Variants in RFX6 observed in about 807,000 individuals in gnomAD.
The protein encoded by RFX6 is DNA-binding protein RFX6.
In RFX6, 50 loss-of-function variants were observed where a neutral mutation model predicts 110.8. That is an observed-to-expected ratio of 0.45 (90% CI 0.36 to 0.57). The LOEUF (loss-of-function observed/expected upper bound fraction) is 0.57, where lower values mean the gene tolerates loss of function less well. RFX6 is among the 20% of genes least tolerant of loss of function. RFX6 has a pLI of 0.00. For missense variants in RFX6, 990 were observed against 1,127.0 expected, an observed-to-expected ratio of 0.88 and a Z score of 1.74; for synonymous variants, 383 against 411.2, an observed-to-expected ratio of 0.93 and a Z score of 0.83.
At position 116,916,024 on chromosome 6, in the gene RFX6, T is replaced by C. The variant is rs1582530413; in HGVS notation, c.797T>C (p.Met266Thr). The C allele has an allele frequency of 6.2e-7, 1 of 1,610,518 alleles. No homozygotes were observed. The highest frequency in any genetic ancestry group is 8.5e-7 in the Non-Finnish European group (1 of 1,177,024). ...TTGAAATAGGTTGATACGCTCATAA[T>C]GATGTACAAAACTCACTGCCAGTGT... ...ISKDKVDTLI[M>T]MYKTHCQCIL... Residue 266 changes from methionine (M) to threonine (T), a missense_variant, in exon 8 of 19, where the codon ATG becomes ACG. By Grantham distance (81) the Met-to-Thr change is moderately conservative. This residue lies in a region of RFX6 where 243 missense variants were observed against 353.1 expected (regional missense o/e 0.69). Transcript: ENST00000332958.
chr6:116,885,957 TA>T (rs1774690632), intron 4 of RFX6, among the ~76,000 whole-genome samples: 1 of 152,140 alleles, frequency 6.6e-6, no homozygotes, highest in Admixed American at 6.6e-5. Context: ...TATTATTTCA[TA>T]AACTTACATT....
At position 116,919,737 on chromosome 6, in the gene RFX6, A is replaced by G. The variant is rs532159959; in HGVS notation, c.1182+441A>G. On this transcript the variant is annotated intron_variant, in intron 11 of 18. Transcript: ENST00000332958. ...GTGTGATACTTAATATTGTGAAACC[A>G]CAAACTCAACACATTTTAAACTGCC... 2.2e-4 allele frequency among the ~76,000 whole-genome samples: 33 copies of G among 152,362 alleles called. No individual in the cohort carries two copies. In the East Asian group the frequency reaches 4.6e-3, roughly 21 times the overall value.
intron 6 of RFX6, among the ~76,000 whole-genome samples, chr6:116,906,708 T>C (rs1371039002): frequency 6.6e-6 from 1 of 151,926 alleles, no homozygotes. Flanking sequence ...CATGCTGACT[T>C]TGAATCCTGC....
chr6:116,889,486 C>T (rs1267581578), intron 4 of RFX6, among the ~76,000 whole-genome samples: 5 of 151,950 alleles, frequency 3.3e-5, no homozygotes, highest in Admixed American at 6.6e-5. Flanking sequence ...GGGAGGAGTT[C>T]AGGGAGTTCA....
At position 116,916,058 on chromosome 6, in the gene RFX6, C is replaced by G; in HGVS notation, c.831C>G (p.Asp277Glu). The G allele has an allele frequency of 6.2e-7, 1 of 1,610,696 alleles. No homozygotes were observed. Among genetic ancestry groups the G allele is most frequent in the Non-Finnish European group, 8.5e-7 (1 of 1,177,240 alleles). ...MYKTHCQCIL[D>E]NAINGNFEEI... Reference sequence around the variant, plus strand: ...AAACTCACTGCCAGTGTATCCTGGACAATGCAATTAATGGAAACTTTGAAG... The same window carrying G: ...AAACTCACTGCCAGTGTATCCTGGAGAATGCAATTAATGGAAACTTTGAAG... The change falls in exon 8 of 19, where the codon GAC becomes GAG. Residue 277 changes from aspartate to glutamate, a missense_variant. Asp to Glu is a conservative substitution (Grantham distance 45). Transcript: ENST00000332958.
At chr6:116,930,908 C>T (rs1321982510) in intron 18 of RFX6, among the ~76,000 whole-genome samples, 1 of 152,022 alleles carries the variant, frequency 6.6e-6, no homozygotes, top group Admixed American at 6.6e-5. Context: ...TTGATCTACT[C>T]TTCAGCAATA....
In RFX6 at chr6:116,916,274, T is replaced by C. The variant is rs1775461686; in HGVS notation, c.932T>C (p.Ile311Thr). The change falls in exon 9 of 19, where the codon ATC (isoleucine) becomes ACC (threonine). Residue 311 changes from isoleucine to threonine, a missense_variant. Physicochemically the swap from Ile to Thr is moderately conservative, Grantham distance 89 (BLOSUM62 -1). This residue lies in a region of RFX6 where 243 missense variants were observed against 353.1 expected (regional missense o/e 0.69). Coordinates refer to ENST00000332958, the MANE Select transcript of RFX6 (RefSeq NM_173560.4). ...CTTCCCCTGCTCGAAAATCCTGTTA[T>C]CATTGATATTTTCTGTGTTTGTGAC... ...HLLPLLENPV[I>T]IDIFCVCDSI... 6.2e-7 allele frequency: 1 copy of C among 1,612,480 alleles called. No homozygotes were observed. Among genetic ancestry groups the C allele is most frequent in the Admixed American group, 1.7e-5 (1 of 59,940 alleles).
At chr6:116,916,938 G>T (rs1006092773) in intron 9 of RFX6, among the ~76,000 whole-genome samples, 3 of 152,024 alleles carry the variant, frequency 2.0e-5, no homozygotes, top group Non-Finnish European at 4.4e-5. Context: ...TTGCAATGTG[G>T]GTACTTTAAA....
intron 9 of RFX6, among the ~76,000 whole-genome samples, chr6:116,917,262 A>T (rs1775486585): frequency 6.6e-6 from 1 of 152,090 alleles, no homozygotes; most frequent in South Asian, 2.1e-4. Flanking sequence ...GAAAGGAGGA[A>T]TAAAGTACAA....
At chr6:116,911,110 A>G in intron 7 of RFX6, 68 bp downstream of exon 7, 1 of 1,092,770 alleles carries the variant, frequency 9.2e-7, no homozygotes, top group South Asian at 1.2e-5. Context: ...TTTGCTGGGA[A>G]TTTCATGGTA....
At chr6:116,895,045 A>T (rs918519611) in intron 5 of RFX6, 135 bp from the exon 6 acceptor site, 3 of 548,862 alleles carry the variant, frequency 5.5e-6, no homozygotes, top group South Asian at 5.0e-5. Flanking sequence ...TGATTTCTTT[A>T]AAAAAAGCAA....
At chr6:116,922,218 T>A (rs987054338) in intron 13 of RFX6, 67 bp downstream of exon 13, 1 of 844,510 alleles carries the variant, frequency 1.2e-6, no homozygotes. Flanking sequence ...CTGGCTATAA[T>A]TTTTTGTCTG....
At chr6:116,893,947 T>G (rs1774883924) in intron 4 of RFX6, 40 bp from the exon 5 acceptor site, 1 of 1,180,148 alleles carries the variant, frequency 8.5e-7, no homozygotes, top group Admixed American at 1.7e-5. Context: ...TCCAAAAATC[T>G]CCTTCACTAA....
rs1020421660 is a variant in RFX6, at chr6:116,923,249, G to C, written c.1555+25G>C. On this transcript the variant is annotated intron_variant, in intron 14 of 18. Transcript: ENST00000332958. Reference sequence around the variant, plus strand: ...GGTAACATACGTGCATTATAAAACTGTTCTTACATGAATTATATAATTTGT... The same window carrying C: ...GGTAACATACGTGCATTATAAAACTCTTCTTACATGAATTATATAATTTGT... 3.0e-6 allele frequency: 3 copies of C among 1,010,746 alleles called. No individual in the cohort carries two copies. The African/African-American group carries it at 4.7e-5, about 16-fold the overall frequency. The allele number at this position is 1,010,746 out of a possible 1,614,324, so 62.6% of individuals were successfully genotyped here. A position where few individuals can be genotyped will look rare whatever the true frequency, so the allele number is the denominator to read the frequency against.
At chr6:116,883,190 T>G (rs1214874601) in intron 4 of RFX6, among the ~76,000 whole-genome samples, 1 of 152,182 alleles carries the variant, frequency 6.6e-6, no homozygotes, top group Non-Finnish European at 1.5e-5. Flanking sequence ...CCCTCTGACC[T>G]AGTCCATTTC....
intron 4 of RFX6, among the ~76,000 whole-genome samples, chr6:116,886,453 T>C (rs1774700350): frequency 6.6e-6 from 1 of 152,202 alleles, no homozygotes; most frequent in Non-Finnish European, 1.5e-5. Flanking sequence ...CATGAAGCAA[T>C]GTCACTCTCT....
intron 7 of RFX6, among the ~76,000 whole-genome samples, chr6:116,913,370 C>T (rs1261835682): frequency 6.6e-6 from 1 of 152,154 alleles, no homozygotes; most frequent in African/African-American, 2.4e-5. Context: ...CCAGCACTTG[C>T]TTCTTTAAGG....
chr6:116,925,682 G>T, intron 16 of RFX6, 23 bp downstream of exon 16: 1 of 1,548,764 alleles, frequency 6.5e-7, no homozygotes. Context: ...GAACTGCTTA[G>T]GCTCCAGCAC....
At chr6:116,893,249 T>C (rs191572912) in intron 4 of RFX6, among the ~76,000 whole-genome samples, 19 of 152,304 alleles carry the variant, frequency 1.2e-4, no homozygotes, top group African/African-American at 4.1e-4. Context: ...TCCACTAGCA[T>C]GTGTATAATA....
Sources: gnomAD v4.1 joint callset for allele counts (sites outside exome capture counted in the v4.1 genomes callset) on GRCh38, gnomAD v4.1.1 for gene constraint, gnomAD v4.1.1 regional missense constraint, MANE v1.5 for transcripts, NCBI Gene and HGNC (gene_info 2026-07-23, HGNC 2026-07-21) for gene names.